PCDHA10: variants seen among roughly 807,000 people sequenced by gnomAD.
PCDHA10 encodes protocadherin alpha-10.
In PCDHA10, 45 loss-of-function variants were observed where a neutral mutation model predicts 61.2. The observed-to-expected ratio is 0.74, with a 90% CI of 0.58 to 0.94. PCDHA10 has a LOEUF of 0.94. PCDHA10 is among the 40% of genes least tolerant of loss of function. PCDHA10 has a pLI of 0.00. For missense variants in PCDHA10, 1,278 were observed against 1,236.2 expected (o/e 1.03, Z -0.51); for synonymous variants, 602 against 548.8 (o/e 1.10, Z -1.35).
chr5:140,890,870 T>A (rs1217710440), intron 1 of PCDHA10, among the ~76,000 whole-genome samples: 1 of 152,226 alleles, frequency 6.6e-6, no homozygotes, highest in Non-Finnish European at 1.5e-5. Flanking sequence ...CTTGCCCCTC[T>A]GACCTTTCAT....
In PCDHA10 at chr5:140,857,521, CTCTCT is replaced by C; in HGVS notation, c.1474_1478del (p.Ser492GlyfsTer85). 1 of 1,598,106 alleles carries C rather than the reference CTCTCT, an allele frequency of 6.3e-7. No individual in the cohort carries two copies. The highest frequency in any genetic ancestry group is 8.6e-7 in the Non-Finnish European group (1 of 1,167,820). ...CGCAGGAGAACGCCCTGGTGTCCTACTCTCTGGTGGAGCGGCGGTTGGGCGAGCGC... is the reference window on the plus strand; with the variant it reads ...CGCAGGAGAACGCCCTGGTGTCCTACGGTGGAGCGGCGGTTGGGCGAGCGC... On this transcript the variant is annotated frameshift_variant, in exon 1 of 4. Transcript: ENST00000307360. LOFTEE classifies it high-confidence loss of function.
chr5:140,866,148 A>G (rs1031440226), intron 1 of PCDHA10: 4 of 152,180 alleles, frequency 2.6e-5, no homozygotes, highest in South Asian at 4.1e-4. Flanking sequence ...TGGAAGTGAT[A>G]TAAGTAAGAA....
At chr5:140,968,904 G>A (rs1554231223) in intron 1 of PCDHA10, 1 of 1,614,058 alleles carries the variant, frequency 6.2e-7, no homozygotes, top group Non-Finnish European at 8.5e-7. Flanking sequence ...ATAGCATTAA[G>A]CACAGTGTCT....
chr5:140,970,473 CA>C (rs1177454514), intron 1 of PCDHA10, among the ~76,000 whole-genome samples: 4 of 151,956 alleles, frequency 2.6e-5, no homozygotes, highest in African/African-American at 9.7e-5. Flanking sequence ...GGTATAAGGC[CA>C]GCTTGTTCAT....
At chr5:140,877,605 G>A (rs1554169915) in intron 1 of PCDHA10, 1 of 1,613,856 alleles carries the variant, frequency 6.2e-7, no homozygotes, top group Non-Finnish European at 8.5e-7. Context: ...CCAGCCTGCT[G>A]GTGCTCACGC....
chr5:140,994,249 G>A (rs17119346), intron 3 of PCDHA10, among the ~76,000 whole-genome samples: 45,238 of 152,008 alleles, frequency 0.3, 6,962 homozygotes, highest in East Asian at 0.43. Flanking sequence ...CAAACCCTAG[G>A]TAAATAAGGT....
At chr5:140,896,071 A>G (rs551803461) in intron 1 of PCDHA10, among the ~76,000 whole-genome samples, 1 of 152,248 alleles carries the variant, frequency 6.6e-6, no homozygotes, top group African/African-American at 2.4e-5. Context: ...TCGGCCTCCC[A>G]ACATGCTGGG....
At chr5:140,990,512 CTT>C (rs1323641272) in intron 3 of PCDHA10, among the ~76,000 whole-genome samples, 1 of 152,202 alleles carries the variant, frequency 6.6e-6, no homozygotes, top group African/African-American at 2.4e-5. Context: ...AGTCTTCTCT[CTT>C]GTCTTTTTTG....
In PCDHA10 at chr5:140,858,166, C is replaced by T. The variant is rs781812057; in HGVS notation, c.2118C>T (p.Ser706=). 1.9e-6 allele frequency: 3 copies of T among 1,597,908 alleles called. 1 individual carries two copies. The South Asian group carries it at 3.3e-5, about 18-fold the overall frequency. The change falls in exon 1 of 4, where the codon TCC becomes TCT. Residue 706 remains serine (S), a synonymous_variant. Transcript: ENST00000307360. The part of the protein sequence containing the change: ...VYLIIAICAV[S]SLLVLTLLLY... ...TGATCATCGCCATCTGCGCGGTGTC[C>T]AGCTTGCTGGTGCTCACGCTGCTGC...
chr5:140,931,716 T>G (rs1205500293), intron 1 of PCDHA10, among the ~76,000 whole-genome samples: 5 of 151,962 alleles, frequency 3.3e-5, no homozygotes, highest in Admixed American at 3.3e-4. Context: ...TAAAATAACT[T>G]CTATAAATAT....
At position 140,858,233 on chromosome 5, in the gene PCDHA10, G is replaced by T. The variant is rs1014024880; in HGVS notation, c.2185G>T (p.Ala729Ser). Residue 729 changes from alanine (A) to serine (S), a missense_variant, in exon 1 of 4, where the codon GCA becomes TCA. Coordinates refer to ENST00000307360, the MANE Select transcript of PCDHA10 (RefSeq NM_018901.4). ...LRCSAAPTEG[A>S]CGPVKPTLVC... ...GTGCTCGGCGGCGCCCACCGAGGGCGCATGTGGGCCGGTGAAGCCCACGCT... is the reference window on the plus strand; with the variant it reads ...GTGCTCGGCGGCGCCCACCGAGGGCTCATGTGGGCCGGTGAAGCCCACGCT... The T allele has an allele frequency of 9.4e-6, 15 of 1,596,216 alleles. 1 individual carries two copies. Among genetic ancestry groups the T allele is most frequent in the Non-Finnish European group, 1.1e-5 (13 of 1,166,126 alleles).
At chr5:140,966,764 G>T in intron 1 of PCDHA10, 1 of 1,475,264 alleles carries the variant, frequency 6.8e-7, no homozygotes, top group Non-Finnish European at 9.0e-7. Context: ...GCGGCCAGTG[G>T]CTATGGAGCA....
At chr5:140,926,611 A>G in intron 1 of PCDHA10, 1 of 348,974 alleles carries the variant, frequency 2.9e-6, no homozygotes, top group Non-Finnish European at 5.1e-6. Context: ...TCGTCTCTGC[A>G]CCCCTAGGCG....
intron 1 of PCDHA10, chr5:140,884,155 C>A (rs781815602): frequency 1.2e-6 from 2 of 1,613,430 alleles, no homozygotes; most frequent in Non-Finnish European, 1.7e-6. Flanking sequence ...TGTACACTGG[C>A]GAGATCAGCA....
At chr5:140,882,454 C>G (rs782708863) in intron 1 of PCDHA10, 12 of 1,613,934 alleles carry the variant, frequency 7.4e-6, no homozygotes, top group Non-Finnish European at 1.0e-5. Flanking sequence ...TGGTGCCGCG[C>G]CTGTTCCGGG....
At chr5:140,934,279 A>G (rs2089746811) in intron 1 of PCDHA10, among the ~76,000 whole-genome samples, 1 of 152,104 alleles carries the variant, frequency 6.6e-6, no homozygotes, top group South Asian at 2.1e-4. Flanking sequence ...TGCTTCATCA[A>G]GGGCATTCTT....
chr5:141,009,290 A>G (rs1372878338), intron 3 of PCDHA10, among the ~76,000 whole-genome samples: 1 of 152,118 alleles, frequency 6.6e-6, no homozygotes, highest in Non-Finnish European at 1.5e-5. Context: ...TCCCATTTCT[A>G]TAAAATTTTT....
intron 1 of PCDHA10, chr5:140,883,657 C>A (rs782568456): frequency 1.2e-6 from 2 of 1,613,470 alleles, no homozygotes; most frequent in East Asian, 4.5e-5. Context: ...ACACGGTGTT[C>A]GTGAAGGAAA....
At chr5:140,924,812 T>G (rs947021976) in intron 1 of PCDHA10, among the ~76,000 whole-genome samples, 2 of 151,424 alleles carry the variant, frequency 1.3e-5, no homozygotes, top group African/African-American at 4.9e-5. Flanking sequence ...AGAGAATCGC[T>G]TGAACCTGGG....
Sources: gnomAD v4.1 joint callset for allele counts (sites outside exome capture counted in the v4.1 genomes callset) on GRCh38, gnomAD v4.1.1 for gene constraint, MANE v1.5 for transcripts, NCBI Gene and HGNC (gene_info 2026-07-23, HGNC 2026-07-21) for gene names.